The following GPC6 variants were observed in gnomAD, a reference collection of about 807,000 sequenced individuals.
GPC6 encodes the protein glypican 6, also known as glypican-6.
In GPC6, 14 loss-of-function variants were observed where a neutral mutation model predicts 55.2. That is an observed-to-expected ratio of 0.25 (90% CI 0.17 to 0.40). The LOEUF is 0.40. Ranked by LOEUF, GPC6 falls within the 10% of genes least tolerant of loss-of-function variation. The pLI is 1.00. For synonymous variants in GPC6, 278 were observed against 259.6 expected, an observed-to-expected ratio of 1.07 and a Z score of -0.68; for missense variants, 641 against 708.5, an observed-to-expected ratio of 0.90 and a Z score of 1.08.
chr13:93,574,640 C>T (rs1418959925), intron 2 of GPC6, among the ~76,000 whole-genome samples: 1 of 152,098 alleles, frequency 6.6e-6, no homozygotes, highest in Non-Finnish European at 1.5e-5. Flanking sequence ...TAGTAATTTA[C>T]AGAGATGTGC....
At chr13:93,782,236 C>T (rs772055199) in intron 2 of GPC6, among the ~76,000 whole-genome samples, 6 of 152,152 alleles carry the variant, frequency 3.9e-5, no homozygotes, top group African/African-American at 7.2e-5. Context: ...CTAGGTTCAT[C>T]CATGTTGACC....
At chr13:93,788,265 C>G (rs940409545) in intron 2 of GPC6, among the ~76,000 whole-genome samples, 1 of 152,154 alleles carries the variant, frequency 6.6e-6, no homozygotes, top group East Asian at 1.9e-4. Context: ...AATGCTATGT[C>G]CTTACACAGC....
intron 2 of GPC6, among the ~76,000 whole-genome samples, chr13:93,575,384 A>G (rs1217260939): frequency 7.9e-5 from 12 of 152,170 alleles, no homozygotes; most frequent in Non-Finnish European, 1.2e-4. Context: ...GCCTTTCTTA[A>G]TGTAGTGTTT....
chr13:93,231,364 T>TATATATATATAC, intron 1 of GPC6, among the ~76,000 whole-genome samples: 1 of 16,132 alleles, frequency 6.2e-5, no homozygotes, highest in African/African-American at 3.6e-4. Flanking sequence ...TATATACGTA[T>TATATATATATAC]ATATATATAT....
intron 4 of GPC6, among the ~76,000 whole-genome samples, chr13:94,277,313 G>T (rs778880682): frequency 2.0e-5 from 3 of 150,332 alleles, no homozygotes; most frequent in Admixed American, 6.6e-5. Context: ...TAAGTTCCTT[G>T]TAGGTTTTAG....
intron 1 of GPC6, among the ~76,000 whole-genome samples, chr13:93,425,097 A>G (rs1032679168): frequency 6.6e-6 from 1 of 152,224 alleles, no homozygotes; most frequent in African/African-American, 2.4e-5. Flanking sequence ...TAATCCAAAA[A>G]ATTTTCAAAA....
chr13:93,972,684 T>C (rs1406491306), intron 3 of GPC6, among the ~76,000 whole-genome samples: 1 of 152,220 alleles, frequency 6.6e-6, no homozygotes, highest in Non-Finnish European at 1.5e-5. Context: ...GTTTGTGTCC[T>C]ACTGCATCAT....
chr13:93,579,470 A>G (rs897545421), intron 2 of GPC6, among the ~76,000 whole-genome samples: 3 of 152,092 alleles, frequency 2.0e-5, no homozygotes, highest in African/African-American at 7.2e-5. Context: ...AGAAGGTGGA[A>G]GAGGAGGAAG....
intron 1 of GPC6, among the ~76,000 whole-genome samples, chr13:93,294,823 C>T (rs78503143): frequency 0.023 from 3,499 of 152,072 alleles, 111 homozygotes; most frequent in African/African-American, 0.069. Flanking sequence ...TTCAGCCTCA[C>T]GTATCCAACT....
intron 3 of GPC6, among the ~76,000 whole-genome samples, chr13:93,992,083 C>A (rs1032416953): frequency 6.6e-6 from 1 of 150,792 alleles, no homozygotes; most frequent in African/African-American, 2.4e-5. Context: ...ACATAGTTTA[C>A]ATAATTTATA....
chr13:93,754,378 A>C (rs1388709570), intron 2 of GPC6, among the ~76,000 whole-genome samples: 1 of 152,146 alleles, frequency 6.6e-6, no homozygotes, highest in Non-Finnish European at 1.5e-5. Flanking sequence ...TTGATTCTTA[A>C]CACCTACTAA....
chr13:93,821,555 G>A (rs1887047286), intron 2 of GPC6, among the ~76,000 whole-genome samples: 1 of 152,138 alleles, frequency 6.6e-6, no homozygotes, highest in Admixed American at 6.5e-5. Context: ...TACAAATTTA[G>A]GACATTGGGA....
chr13:93,542,681 G>C (rs1882367243), intron 1 of GPC6, among the ~76,000 whole-genome samples: 1 of 152,096 alleles, frequency 6.6e-6, no homozygotes, highest in African/African-American at 2.4e-5. Flanking sequence ...CCATTTGTTT[G>C]TATTCTCTTT....
intron 2 of GPC6, among the ~76,000 whole-genome samples, chr13:93,693,527 G>A (rs974053808): frequency 2.0e-5 from 3 of 147,386 alleles, no homozygotes; most frequent in African/African-American, 7.4e-5. Flanking sequence ...TTACTCTGTT[G>A]CCCATGCAGT....
At chr13:93,380,284 A>G (rs1030325826) in intron 1 of GPC6, among the ~76,000 whole-genome samples, 2 of 152,190 alleles carry the variant, frequency 1.3e-5, no homozygotes, top group African/African-American at 2.4e-5. Context: ...GTACCTAGAT[A>G]TAAATTTTGC....
At chr13:94,361,088 G>T (rs1879039227) in intron 6 of GPC6, among the ~76,000 whole-genome samples, 5 of 152,196 alleles carry the variant, frequency 3.3e-5, no homozygotes, top group Admixed American at 6.5e-5. Context: ...CTGTAAAGTT[G>T]AGACATCAAC....
At chr13:94,146,196 C>G (rs952684916) in intron 4 of GPC6, among the ~76,000 whole-genome samples, 1 of 152,058 alleles carries the variant, frequency 6.6e-6, no homozygotes, top group Middle Eastern at 3.2e-3. Context: ...TTCATGTTAT[C>G]CACCTTTGTA....
At chr13:93,398,474 C>A (rs1361751344) in intron 1 of GPC6, among the ~76,000 whole-genome samples, 1 of 152,120 alleles carries the variant, frequency 6.6e-6, no homozygotes, top group Non-Finnish European at 1.5e-5. Context: ...TGTCTTCTGG[C>A]TGTAGCAAGG....
chr13:94,003,856 T>C (rs1177530436), intron 3 of GPC6, among the ~76,000 whole-genome samples: 1 of 152,228 alleles, frequency 6.6e-6, no homozygotes, highest in Admixed American at 6.5e-5. Flanking sequence ...GCAGTCTCAC[T>C]TTTGAAATTG....
Sources: allele counts gnomAD v4.1 joint callset (sites outside exome capture counted in the v4.1 genomes callset), GRCh38; gene constraint gnomAD v4.1.1; transcripts MANE v1.5; gene names NCBI Gene and HGNC (gene_info 2026-07-23, HGNC 2026-07-21).